Variants in ABCB6 observed in about 807,000 individuals in gnomAD.
ABCB6 encodes ATP-binding cassette sub-family B member 6.
Under a neutral mutation model 99.4 loss-of-function variants are expected in ABCB6, and 87 were observed. That is an observed-to-expected ratio of 0.88 (90% CI 0.74 to 1.05). The LOEUF (loss-of-function observed/expected upper bound fraction) is 1.05, where lower values mean the gene tolerates loss of function less well. Among genes scored for constraint, ABCB6 ranks in the 50% least tolerant of loss-of-function variants. The pLI is 0.00. For missense variants in ABCB6, 1,050 were observed against 1,097.9 expected, an observed-to-expected ratio of 0.96 and a Z score of 0.62; for synonymous variants, 482 against 447.5, an observed-to-expected ratio of 1.08 and a Z score of -0.97.
rs756693999 is a variant in ABCB6 at position 219,210,991 on chromosome 2, C to T, written c.2086G>A (p.Val696Met). 1.2e-5 allele frequency: 19 copies of T among 1,614,088 alleles called. No individual in the cohort carries two copies. Among genetic ancestry groups the T allele is most frequent in the Non-Finnish European group, 1.6e-5 (19 of 1,180,038 alleles). Residue 696 changes from valine to methionine, a missense_variant, in exon 15 of 19, where the codon GTG becomes ATG. Physicochemically the swap from Val to Met is conservative, Grantham distance 21. Coordinates refer to ENST00000265316, the MANE Select transcript of ABCB6 (RefSeq NM_005689.4). Reference sequence around the variant, plus strand: ...CCTGCAGCCTGAGCAGCAGCCTCCACCTCATCATTCCCAGCTGTGACACGG... The same window carrying T: ...CCTGCAGCCTGAGCAGCAGCCTCCATCTCATCATTCCCAGCTGTGACACGG... ...YGRVTAGNDE[V>M]EAAAQAAGIH...
chr2:219,214,199 A>C lies in ABCB6; in HGVS notation c.1387-13T>G. ...TGTAATACTTCACCTGATGAATTCA[A>C]ACCAAATTTATTTGGCATGGGCACA... On this transcript the variant is annotated splice_polypyrimidine_tract_variant and intron_variant, in intron 7 of 18. Transcript: ENST00000265316. The C allele has an allele frequency of 6.2e-7, 1 of 1,614,046 alleles. No individual in the cohort carries two copies. The highest frequency in any genetic ancestry group is 2.2e-5 in the East Asian group (1 of 44,882).
In ABCB6 at chr2:219,209,819, C is replaced by G; in HGVS notation, c.*119G>C. 1 of 809,698 alleles carries G rather than the reference C, an allele frequency of 1.2e-6. No individual in the cohort carries two copies. Among genetic ancestry groups the G allele is most frequent in the South Asian group, 1.5e-5 (1 of 65,536 alleles). 50.2% of individuals were successfully genotyped at this position (809,698 alleles called of 1,614,324 possible). On this transcript the variant is annotated 3_prime_UTR_variant, in exon 19 of 19. Coordinates refer to ENST00000265316, the MANE Select transcript of ABCB6 (RefSeq NM_005689.4). ...CCAAAAGATGTTTTTCGGAAAGGTCCCTTTCCCTTACCATAGCTAGCACCA... is the reference window on the plus strand; with the variant it reads ...CCAAAAGATGTTTTTCGGAAAGGTCGCTTTCCCTTACCATAGCTAGCACCA...
Position 219,218,361 on chromosome 2 carries a change from T to TA in ABCB6, c.312_313insT (p.Ser105Ter). On this transcript the variant is annotated frameshift_variant, in exon 1 of 19. Transcript: ENST00000265316. LOFTEE classifies it high-confidence loss of function. ...AGCACGGAGGCCAGAAGTAGATAGCTTGGCAGTGGGGCCCCCCGGGCAGTG... is the reference window on the plus strand; with the variant it reads ...AGCACGGAGGCCAGAAGTAGATAGCTATGGCAGTGGGGCCCCCCGGGCAGTG... The TA allele has an allele frequency of 6.2e-7, 1 of 1,612,886 alleles. No homozygotes were observed.
chr2:219,210,582 C>T, intron 16 of ABCB6, 107 bp from the exon 17 acceptor site: 2 of 1,586,186 alleles, frequency 1.3e-6, no homozygotes, highest in Non-Finnish European at 1.7e-6. Context: ...CTTGTTTGGG[C>T]TTGAGAACTG....
intron 7 of ABCB6, 59 bp from the exon 8 acceptor site, chr2:219,214,245 TC>T (rs1156622470): frequency 1.3e-6 from 2 of 1,555,456 alleles, no homozygotes; most frequent in Non-Finnish European, 1.8e-6. Context: ...CTCGGGTCAT[TC>T]CCCCCAACTC....
Position 219,214,378 on chromosome 2 carries a change from C to A in ABCB6, c.1386+11G>T. 1 of 1,609,652 alleles carries A rather than the reference C, an allele frequency of 6.2e-7. No individual in the cohort carries two copies. The highest frequency in any genetic ancestry group is 8.5e-7 in the Non-Finnish European group (1 of 1,175,890). ...CACGCCTCACACCACTGCCACCGGG[C>A]CCTCTGTTACCGTCTCGAAGTTTAG... On this transcript the variant is annotated intron_variant, in intron 7 of 18. Coordinates refer to ENST00000265316, the MANE Select transcript of ABCB6 (RefSeq NM_005689.4).
chr2:219,216,834 T>TA lies in ABCB6; in HGVS notation c.688-3dup. On this transcript the variant is annotated splice_region_variant and splice_polypyrimidine_tract_variant and intron_variant, in intron 2 of 18. Coordinates refer to ENST00000265316, the MANE Select transcript of ABCB6 (RefSeq NM_005689.4). This position sits in a 1 kb window ranked among gnomAD's most constrained non-coding sequence, Gnocchi z 4.2. ...AGACTGTTGGGCTGCTGACCGAACC[T>TA]AGGATGGTGAAACACGTAGGAAGGG... The TA allele has an allele frequency of 6.2e-7, 1 of 1,609,520 alleles. No homozygotes were observed. The highest frequency in any genetic ancestry group is 8.5e-7 in the Non-Finnish European group (1 of 1,178,316).
At chr2:219,213,132 C>T in intron 12 of ABCB6, 67 bp from the exon 13 acceptor site, 8 of 1,603,532 alleles carry the variant, frequency 5.0e-6, no homozygotes, top group Non-Finnish European at 6.8e-6. Context: ...AGGCCCTGCC[C>T]CTCCCCTGCC....
intron 14 of ABCB6, 64 bp downstream of exon 14, chr2:219,212,323 C>A: frequency 3.5e-6 from 5 of 1,414,286 alleles, no homozygotes; most frequent in Non-Finnish European, 3.0e-6. Context: ...CTCTGGACAG[C>A]CAGCCCTTAT....
In ABCB6 at chr2:219,216,192, C is replaced by T. The variant is rs768034451; in HGVS notation, c.971-12G>A. On this transcript the variant is annotated splice_polypyrimidine_tract_variant and intron_variant, in intron 4 of 18. Coordinates refer to ENST00000265316, the MANE Select transcript of ABCB6 (RefSeq NM_005689.4). The surrounding 1 kb of genome is among the most constrained non-coding windows in gnomAD (Gnocchi z 4.2). ...GTTGCTCACGAAGCCTGCAGGGAGC[C>T]GGGGGACGCCTCAGTAGGGCCTGGG... is the stretch of plus-strand genomic sequence containing the variant. The T allele has an allele frequency of 6.3e-6, 10 of 1,579,012 alleles. No homozygotes were observed. Among genetic ancestry groups the T allele is most frequent in the East Asian group, 2.3e-5 (1 of 44,006 alleles).
chr2:219,216,265 A>C lies in ABCB6; in HGVS notation c.971-85T>G. On this transcript the variant is annotated intron_variant, in intron 4 of 18. Transcript: ENST00000265316. This position sits in a 1 kb window ranked among gnomAD's most constrained non-coding sequence, Gnocchi z 4.2. ...ACCAGGATGTGAAAGGTCTGAGAGT[A>C]CATGGGGGCTGGGGAGGAATGCTGG... 1.3e-6 allele frequency: 2 copies of C among 1,580,912 alleles called. No individual in the cohort carries two copies. The highest frequency in any genetic ancestry group is 1.7e-6 in the Non-Finnish European group (2 of 1,158,596).
intron 2 of ABCB6, among the ~76,000 whole-genome samples, 153 bp downstream of exon 2, chr2:219,217,517 A>C (rs1317008562): frequency 6.6e-6 from 1 of 151,160 alleles, no homozygotes; most frequent in Non-Finnish European, 1.5e-5. Flanking sequence ...GGTGTCATGC[A>C]CCTGTAGTCC....
rs768457293 is a variant in ABCB6, at chr2:219,214,200, A to C, written c.1387-14T>G. The C allele has an allele frequency of 5.6e-6, 9 of 1,613,886 alleles. No individual in the cohort carries two copies. The South Asian group carries it at 9.9e-5, about 18-fold the overall frequency. The stretch of plus-strand genomic sequence containing the variant: ...GTAATACTTCACCTGATGAATTCAA[A>C]CCAAATTTATTTGGCATGGGCACAG... On this transcript the variant is annotated splice_polypyrimidine_tract_variant and intron_variant, in intron 7 of 18. Transcript: ENST00000265316.
Position 219,211,090 on chromosome 2 carries a change from G to A in ABCB6, c.1987C>T (p.Arg663Trp), listed in dbSNP as rs1950573308. ...TGGGGCACAACTCCAATGTGAGACCGGAGAGAGGCCTGGGTCACCTAGGGC... is the reference window on the plus strand; with the variant it reads ...TGGGGCACAACTCCAATGTGAGACCAGAGAGAGGCCTGGGTCACCTAGGGC... ...DISQVTQASLRSHIGVVPQDT... is the reference protein window; with the variant it reads ...DISQVTQASLWSHIGVVPQDT... Residue 663 changes from arginine to tryptophan, a missense_variant, in exon 15 of 19, where the codon CGG becomes TGG. Arg to Trp is a moderately radical substitution (Grantham distance 101, BLOSUM62 -3). Transcript: ENST00000265316. The A allele has an allele frequency of 3.1e-6, 5 of 1,614,136 alleles. No individual in the cohort carries two copies. The highest frequency in any genetic ancestry group is 1.3e-5 in the African/African-American group (1 of 75,050).
chr2:219,215,209 C>T, intron 5 of ABCB6, 127 bp from the exon 6 acceptor site: 1 of 1,232,768 alleles, frequency 8.1e-7, no homozygotes, highest in East Asian at 2.5e-5. Context: ...ATTAATTCTA[C>T]CCTCAAGAGG....
chr2:219,209,998 C>G lies in ABCB6; in HGVS notation c.2469G>C (p.Gln823His). 1 of 1,614,178 alleles carries G rather than the reference C, an allele frequency of 6.2e-7. No homozygotes were observed. Among genetic ancestry groups the G allele is most frequent in the Non-Finnish European group, 8.5e-7 (1 of 1,180,036 alleles). Residue 823 changes from glutamine (Q) to histidine (H), a missense_variant, in exon 19 of 19, where the codon CAG becomes CAC. Transcript: ENST00000265316. ...AGGTTTCTTCCTGTCCCTGCTGCAG[C>G]TGCCACATGTCAGCATACACCCCAC... ...SRGGVYADMW[Q>H]LQQGQEETSE...
Position 219,213,636 on chromosome 2 carries a change from T to G in ABCB6, c.1609A>C (p.Ile537Leu). The G allele has an allele frequency of 6.2e-7, 1 of 1,614,168 alleles. No homozygotes were observed. The highest frequency in any genetic ancestry group is 1.1e-5 in the South Asian group (1 of 91,080). Residue 537 changes from isoleucine (I) to leucine (L), a missense_variant, in exon 10 of 19, where the codon ATT becomes CTT. Ile to Leu is a conservative substitution (Grantham distance 5). Coordinates refer to ENST00000265316, the MANE Select transcript of ABCB6 (RefSeq NM_005689.4). ...VGDYVLFGTY[I>L]IQLYMPLNWF... ...TTGAGGGGCATGTACAGCTGGATAATGTAGGTGCCAAAGAGCACATAGTCC... is the reference window on the plus strand; with the variant it reads ...TTGAGGGGCATGTACAGCTGGATAAGGTAGGTGCCAAAGAGCACATAGTCC...
At position 219,216,941 on chromosome 2, in the gene ABCB6, C is replaced by T. The variant is rs1418760846; in HGVS notation, c.688-109G>A. 1.0e-6 allele frequency: 1 copy of T among 956,274 alleles called. No homozygotes were observed. Among genetic ancestry groups the T allele is most frequent in the African/African-American group, 1.7e-5 (1 of 60,432 alleles). 59.2% of individuals were successfully genotyped at this position (956,274 alleles called of 1,614,324 possible). On this transcript the variant is annotated intron_variant, in intron 2 of 18. Coordinates refer to ENST00000265316, the MANE Select transcript of ABCB6 (RefSeq NM_005689.4). The surrounding 1 kb of genome is among the most constrained non-coding windows in gnomAD (Gnocchi z 4.2). ...GGTTACAGCTCCCAGGTATCTCAGA[C>T]CCACAAGTGATCCTTGATGGGGTCA...
At chr2:219,210,660 C>T (rs759632811) in intron 16 of ABCB6, 51 bp downstream of exon 16, 35 of 1,609,764 alleles carry the variant, frequency 2.2e-5, no homozygotes, top group Admixed American at 1.7e-4. Context: ...CCAGGAGGAA[C>T]GGCTTGAGCA....
Sources: allele counts gnomAD v4.1 joint callset (sites outside exome capture counted in the v4.1 genomes callset), GRCh38; gene constraint gnomAD v4.1.1; non-coding constraint Gnocchi (gnomAD v3.1); transcripts MANE v1.5; gene names NCBI Gene and HGNC (gene_info 2026-07-23, HGNC 2026-07-21).